TBC1D8: variants seen among roughly 807,000 people sequenced by gnomAD.
TBC1D8 encodes BUB2-like protein 1.
A neutral mutation model predicts 118.8 loss-of-function variants in TBC1D8; 65 were observed. The ratio of observed to expected loss-of-function variants is 0.55; its 90% CI spans 0.45 to 0.67. The LOEUF is 0.67. TBC1D8 is among the 30% of genes least tolerant of loss of function. The pLI is 0.00. For synonymous variants in TBC1D8, 566 were observed against 595.8 expected (o/e 0.95, Z 0.73); for missense variants, 1,376 against 1,471.2 (o/e 0.94, Z 1.06).
intron 4 of TBC1D8, among the ~76,000 whole-genome samples, chr2:101,051,875 C>G (rs1218334008): frequency 1.3e-5 from 2 of 152,176 alleles, no homozygotes; most frequent in Non-Finnish European, 2.9e-5. Context: ...TACCTTTAAA[C>G]CAGAGCAGGA....
intron 3 of TBC1D8, among the ~76,000 whole-genome samples, chr2:101,059,083 T>C (rs1243522107): frequency 3.9e-5 from 6 of 152,034 alleles, no homozygotes; most frequent in African/African-American, 1.2e-4. Context: ...TTTTTTTGTA[T>C]TTTTTAGTAC....
intron 1 of TBC1D8, among the ~76,000 whole-genome samples, chr2:101,113,824 G>A (rs1677709243): frequency 1.3e-5 from 2 of 152,300 alleles, no homozygotes; most frequent in South Asian, 2.1e-4. Flanking sequence ...GTTGCTCTGC[G>A]GCGGATTCCG....
In TBC1D8 at chr2:101,011,521, T is replaced by C. The variant is rs1442756447; in HGVS notation, c.2847A>G (p.Arg949=). ...HIPPALTEND[R]DSQSPLRNPL... ...GATTCCTCAACGGCGACTGGCTGTC[T>C]CGGTCATTTTCAGTGAGTGCTTAAA... The change falls in exon 18 of 20, where the codon CGA becomes CGG. Residue 949 remains arginine (R), a synonymous_variant. Coordinates refer to ENST00000409318, the MANE Select transcript of TBC1D8 (RefSeq NM_001330348.2). 2 of 1,613,832 alleles carry C rather than the reference T, an allele frequency of 1.2e-6. No homozygotes were observed. The highest frequency in any genetic ancestry group is 2.7e-5 in the African/African-American group (2 of 74,890).
intron 1 of TBC1D8, among the ~76,000 whole-genome samples, chr2:101,130,539 C>A (rs1274099586): frequency 6.6e-6 from 1 of 152,228 alleles, no homozygotes; most frequent in Non-Finnish European, 1.5e-5. Flanking sequence ...AGGCCCTAAC[C>A]CCCTTGACTA....
At position 101,134,197 on chromosome 2, in the gene TBC1D8, TCACACACACACACA is replaced by T. The variant is rs59427291; in HGVS notation, c.127+16916_127+16929del. 4.9e-4 allele frequency among the ~76,000 whole-genome samples: 36 copies of T among 73,570 alleles called. 1 individual carries two copies. Among genetic ancestry groups the T allele is most frequent in the Middle Eastern group, 9.3e-3 (1 of 108 alleles). The allele number at this position is 73,570 out of a possible 152,430, so 48.3% of individuals were successfully genotyped here. A position where few individuals can be genotyped will look rare whatever the true frequency, so the allele number is the denominator to read the frequency against. On this transcript the variant is annotated intron_variant, in intron 1 of 19. Coordinates refer to ENST00000409318, the MANE Select transcript of TBC1D8 (RefSeq NM_001330348.2). ...CTCTCTCTCTCTCTCTCTCTCTCTC[TCACACACACACACA>T]CACACACACACACACACACACACAG...
At chr2:101,131,467 T>TGC (rs1678588004) in intron 1 of TBC1D8, among the ~76,000 whole-genome samples, 1 of 140,548 alleles carries the variant, frequency 7.1e-6, no homozygotes, top group African/African-American at 2.7e-5. Context: ...GTGAGCCCAG[T>TGC]GCGCTATTGC....
At chr2:101,072,262 AAC>A (rs1674497965) in intron 2 of TBC1D8, among the ~76,000 whole-genome samples, 1 of 152,150 alleles carries the variant, frequency 6.6e-6, no homozygotes, top group Admixed American at 6.5e-5. Flanking sequence ...CTATATGGAA[AAC>A]ACTGCACCAG....
chr2:101,117,859 G>C (rs561151968), intron 1 of TBC1D8, among the ~76,000 whole-genome samples: 1 of 147,716 alleles, frequency 6.8e-6, no homozygotes, highest in Non-Finnish European at 1.5e-5. Context: ...ACAGGCGTGA[G>C]CCACCGCACC....
intron 2 of TBC1D8, among the ~76,000 whole-genome samples, chr2:101,089,492 C>T (rs1408934964): frequency 6.6e-6 from 1 of 151,958 alleles, no homozygotes; most frequent in Non-Finnish European, 1.5e-5. Flanking sequence ...TGACTCCTGG[C>T]CCAAGAGGAA....
At position 101,127,909 on chromosome 2, in the gene TBC1D8, CA is replaced by C. The variant is rs1326440866; in HGVS notation, c.127+23217del. ...AGCTTACTTAATGAATCCAGAACCA[CA>C]AACAGGTAAGGACAGGCTGATGTTA... On this transcript the variant is annotated intron_variant, in intron 1 of 19. Transcript: ENST00000409318. 7.9e-5 allele frequency among the ~76,000 whole-genome samples: 12 copies of C among 152,344 alleles called. No homozygotes were observed. In the East Asian group the frequency reaches 2.3e-3, roughly 29 times the overall value.
chr2:101,128,259 G>A (rs1296039275), intron 1 of TBC1D8, among the ~76,000 whole-genome samples: 3 of 152,192 alleles, frequency 2.0e-5, no homozygotes, highest in African/African-American at 7.2e-5. Flanking sequence ...TGACTGAACA[G>A]TAAACCTGAA....
intron 2 of TBC1D8, among the ~76,000 whole-genome samples, chr2:101,068,891 T>G (rs1683156337): frequency 6.6e-6 from 1 of 150,800 alleles, no homozygotes; most frequent in Non-Finnish European, 1.5e-5. Context: ...TCCCAGATAC[T>G]CAGGAGGCTG....
At chr2:101,113,038 C>T (rs746486186) in intron 1 of TBC1D8, among the ~76,000 whole-genome samples, 4 of 152,112 alleles carry the variant, frequency 2.6e-5, no homozygotes, top group African/African-American at 9.7e-5. Context: ...GTCTGAATAA[C>T]GTATCACTTT....
intron 1 of TBC1D8, among the ~76,000 whole-genome samples, chr2:101,142,302 T>A (rs767597149): frequency 2.0e-5 from 3 of 152,186 alleles, no homozygotes; most frequent in Non-Finnish European, 4.4e-5. Context: ...TCAGAAGAGA[T>A]CCTTGCTGAC....
In TBC1D8 at chr2:101,025,083, AGT is replaced by A. The variant is rs531725798; in HGVS notation, c.2520+2298_2520+2299del. Among the ~76,000 whole-genome samples, 97 of 152,280 alleles carry A rather than the reference AGT, an allele frequency of 6.4e-4. 1 individual carries two copies. The highest frequency in any genetic ancestry group is 2.3e-3 in the African/African-American group (96 of 41,558). On this transcript the variant is annotated intron_variant, in intron 15 of 19. Coordinates refer to ENST00000409318, the MANE Select transcript of TBC1D8 (RefSeq NM_001330348.2). ...CACTTCTATGTGGGAAAGAAAAGTA[AGT>A]GTGTGTGTATGTATTGTAGGCATGT...
At chr2:101,065,242 G>C (rs1326000988) in intron 2 of TBC1D8, among the ~76,000 whole-genome samples, 1 of 152,182 alleles carries the variant, frequency 6.6e-6, no homozygotes, top group Non-Finnish European at 1.5e-5. Flanking sequence ...AATGAAATGG[G>C]CATTCTGTGT....
intron 3 of TBC1D8, among the ~76,000 whole-genome samples, chr2:101,055,633 G>A (rs1361942546): frequency 6.6e-6 from 1 of 152,156 alleles, no homozygotes; most frequent in Non-Finnish European, 1.5e-5. Flanking sequence ...AATCTGGGGT[G>A]GTGGTAGAAG....
intron 3 of TBC1D8, among the ~76,000 whole-genome samples, chr2:101,058,079 T>G (rs1573954209): frequency 2.0e-5 from 3 of 152,198 alleles, no homozygotes; most frequent in South Asian, 2.1e-4. Flanking sequence ...TAGTGCTGAA[T>G]GGGGCCTTTC....
At chr2:101,141,108 G>A (rs969313756) in intron 1 of TBC1D8, among the ~76,000 whole-genome samples, 2 of 151,976 alleles carry the variant, frequency 1.3e-5, no homozygotes, top group African/African-American at 4.8e-5. Flanking sequence ...ACTTTCAGAA[G>A]TGGAGGCTTT....
Sources: allele counts gnomAD v4.1 joint callset (sites outside exome capture counted in the v4.1 genomes callset), GRCh38; gene constraint gnomAD v4.1.1; transcripts MANE v1.5; gene names NCBI Gene and HGNC (gene_info 2026-07-23, HGNC 2026-07-21).